Variants in MRPL13 observed in about 807,000 individuals in gnomAD.
MRPL13 encodes mitochondrial ribosomal protein L13.
In MRPL13, 33 loss-of-function variants were observed where a neutral mutation model predicts 29.0. The observed-to-expected ratio is 1.14, with a 90% CI of 0.86 to 1.52. The LOEUF is 1.52. MRPL13 is among the 40% of genes most tolerant of loss of function. The pLI, the probability that MRPL13 is intolerant of heterozygous loss-of-function variation, is 0.00. For missense variants in MRPL13, 227 were observed against 216.7 expected (o/e 1.05, Z -0.30); for synonymous variants, 77 against 68.4 (o/e 1.13, Z -0.62).
In MRPL13 at chr8:120,443,318, GAAA is replaced by G. The variant is rs5894521; in HGVS notation, c.28-13_28-11del. On this transcript the variant is annotated splice_polypyrimidine_tract_variant and intron_variant, in intron 1 of 6. Coordinates refer to ENST00000306185, the MANE Select transcript of MRPL13 (RefSeq NM_014078.6). ...CAAAAGTGGCCCATTGCTTGGGGGGGAAAAAAAAAAAAAAGAAGAGGAAAAAAT... is the reference window on the plus strand; with the variant it reads ...CAAAAGTGGCCCATTGCTTGGGGGGGAAAAAAAAAAAGAAGAGGAAAAAAT... 1,776 of 1,367,084 alleles carry G rather than the reference GAAA, an allele frequency of 1.3e-3. No homozygotes were observed. Among genetic ancestry groups the G allele is most frequent in the South Asian group, 3.8e-3 (261 of 68,778 alleles). The allele number at this position is 1,367,084 out of a possible 1,614,324, so 84.7% of individuals were successfully genotyped here.
chr8:120,437,446 T>C (rs1027500957), intron 2 of MRPL13, among the ~76,000 whole-genome samples: 1 of 152,204 alleles, frequency 6.6e-6, no homozygotes, highest in African/African-American at 2.4e-5. Context: ...TCTGCTTCCT[T>C]TAAATACTCC....
intron 2 of MRPL13, among the ~76,000 whole-genome samples, chr8:120,433,499 T>C (rs933284879): frequency 6.6e-6 from 1 of 152,090 alleles, no homozygotes; most frequent in Non-Finnish European, 1.5e-5. Context: ...GTTTTAAATA[T>C]AGGTAAAGCA....
chr8:120,437,555 T>G (rs556205196), intron 2 of MRPL13, among the ~76,000 whole-genome samples: 2 of 152,322 alleles, frequency 1.3e-5, no homozygotes, highest in South Asian at 4.1e-4. Flanking sequence ...AATCACCATA[T>G]ATAACCTATT....
chr8:120,441,486 A>C (rs1813123293), intron 2 of MRPL13, among the ~76,000 whole-genome samples: 2 of 152,290 alleles, frequency 1.3e-5, no homozygotes, highest in South Asian at 4.1e-4. Context: ...AAGGGAGAAG[A>C]AACAGGGAAA....
chr8:120,405,534 T>G (rs1204601685), intron 6 of MRPL13, among the ~76,000 whole-genome samples: 1 of 152,202 alleles, frequency 6.6e-6, no homozygotes, highest in Non-Finnish European at 1.5e-5. Context: ...GGGTTCCCCT[T>G]AGACCAAAGA....
At chr8:120,425,239 A>G (rs1281255922) in intron 4 of MRPL13, 67 bp downstream of exon 4, 23 of 1,203,266 alleles carry the variant, frequency 1.9e-5, no homozygotes, top group Non-Finnish European at 2.7e-5. Context: ...ATGAGAAGGG[A>G]GACTGACAAA....
At chr8:120,401,064 C>T (rs984671438) in intron 6 of MRPL13, among the ~76,000 whole-genome samples, 1 of 151,996 alleles carries the variant, frequency 6.6e-6, no homozygotes, top group Non-Finnish European at 1.5e-5. Context: ...CTGAATTTTA[C>T]CAGAGGTATA....
chr8:120,435,067 G>C (rs999119648), intron 2 of MRPL13, among the ~76,000 whole-genome samples: 2 of 152,168 alleles, frequency 1.3e-5, no homozygotes, highest in East Asian at 1.9e-4. Context: ...TCAGCTTGCT[G>C]AGAGTCTCCA....
chr8:120,436,990 T>C (rs1813062008), intron 2 of MRPL13, among the ~76,000 whole-genome samples: 1 of 152,172 alleles, frequency 6.6e-6, no homozygotes, highest in South Asian at 2.1e-4. Context: ...AATGTATAGA[T>C]ACTGTAACAT....
intron 2 of MRPL13, among the ~76,000 whole-genome samples, chr8:120,440,311 T>C (rs1219493238): frequency 6.6e-6 from 1 of 151,936 alleles, no homozygotes; most frequent in East Asian, 1.9e-4. Context: ...GAGGGAACAG[T>C]GTGTGAAAAG....
At chr8:120,398,255 G>A (rs1241049530) in intron 6 of MRPL13, among the ~76,000 whole-genome samples, 1 of 152,166 alleles carries the variant, frequency 6.6e-6, no homozygotes, top group Non-Finnish European at 1.5e-5. Context: ...CAACAGGTCA[G>A]TACCCCTCTA....
chr8:120,427,986 T>C (rs1038546757), intron 3 of MRPL13, among the ~76,000 whole-genome samples: 3 of 151,554 alleles, frequency 2.0e-5, no homozygotes, highest in African/African-American at 4.8e-5. Flanking sequence ...GAAAAAAATA[T>C]TTCAAAATTC....
intron 6 of MRPL13, among the ~76,000 whole-genome samples, chr8:120,404,774 G>A (rs1262076015): frequency 1.3e-5 from 2 of 152,216 alleles, no homozygotes; most frequent in Non-Finnish European, 1.5e-5. Context: ...GAGTAGCTCA[G>A]TAACTTGGCT....
chr8:120,406,876 T>C (rs1812674229), intron 6 of MRPL13, among the ~76,000 whole-genome samples: 1 of 152,204 alleles, frequency 6.6e-6, no homozygotes, highest in African/African-American at 2.4e-5. Flanking sequence ...TACTTGTCAC[T>C]AGCAAAAACT....
intron 6 of MRPL13, among the ~76,000 whole-genome samples, chr8:120,397,328 C>T (rs1258220118): frequency 6.6e-6 from 1 of 152,154 alleles, no homozygotes; most frequent in Non-Finnish European, 1.5e-5. Context: ...TCCATAAATT[C>T]TCCAAGGAAG....
chr8:120,400,782 G>C (rs1014665370), intron 6 of MRPL13, among the ~76,000 whole-genome samples: 2 of 151,374 alleles, frequency 1.3e-5, no homozygotes, highest in Non-Finnish European at 2.9e-5. Flanking sequence ...AAGGAGAAGA[G>C]AGAGGAGAAT....
intron 3 of MRPL13, among the ~76,000 whole-genome samples, chr8:120,431,503 A>G (rs2130479120): frequency 6.6e-6 from 1 of 152,316 alleles, no homozygotes; most frequent in South Asian, 2.1e-4. Flanking sequence ...AGTAAACTCA[A>G]ATACAGAAAT....
intron 6 of MRPL13, among the ~76,000 whole-genome samples, chr8:120,397,177 C>T (rs1223654050): frequency 3.9e-5 from 6 of 152,112 alleles, no homozygotes; most frequent in Non-Finnish European, 1.5e-5. Context: ...GAGATACCCT[C>T]GTGAGCCCAC....
intron 4 of MRPL13, 36 bp from the exon 5 acceptor site, chr8:120,419,974 T>C (rs1306508329): frequency 7.3e-7 from 1 of 1,376,528 alleles, no homozygotes; most frequent in South Asian, 1.5e-5. Flanking sequence ...AAGAAAATTG[T>C]GACTTGCGAT....
Sources: gnomAD v4.1 joint callset for allele counts (sites outside exome capture counted in the v4.1 genomes callset) on GRCh38, gnomAD v4.1.1 for gene constraint, MANE v1.5 for transcripts, NCBI Gene and HGNC (gene_info 2026-07-23, HGNC 2026-07-21) for gene names.